The following FNBP1L variants were observed in gnomAD, a reference collection of about 807,000 sequenced individuals.
FNBP1L encodes the protein formin-binding protein 1-like.
A neutral mutation model predicts 91.2 loss-of-function variants in FNBP1L; 36 were observed. The observed-to-expected ratio is 0.39, with a 90% CI of 0.30 to 0.52. The LOEUF (loss-of-function observed/expected upper bound fraction) is 0.52, where lower values mean the gene tolerates loss of function less well. Among genes scored for constraint, FNBP1L ranks in the 20% least tolerant of loss-of-function variants. FNBP1L has a pLI of 0.66. For missense variants in FNBP1L, 571 were observed against 732.1 expected (o/e 0.78, Z 2.54); for synonymous variants, 242 against 237.0 (o/e 1.02, Z -0.19).
chr1:93,512,666 A>G (rs955217041), intron 2 of FNBP1L, among the ~76,000 whole-genome samples: 2 of 149,686 alleles, frequency 1.3e-5, no homozygotes, highest in South Asian at 2.1e-4. Context: ...CTGCTCCTGA[A>G]TGACTACTGG....
chr1:93,500,959 A>G (rs1041977235), intron 2 of FNBP1L, among the ~76,000 whole-genome samples: 1 of 152,182 alleles, frequency 6.6e-6, no homozygotes, highest in African/African-American at 2.4e-5. Flanking sequence ...CACAGTGATG[A>G]TGTTTCATCT....
At chr1:93,509,512 G>A (rs1313702816) in intron 2 of FNBP1L, among the ~76,000 whole-genome samples, 2 of 152,196 alleles carry the variant, frequency 1.3e-5, no homozygotes, top group Non-Finnish European at 2.9e-5. Context: ...ACAAAAGAAG[G>A]GTAGTGATAC....
intron 1 of FNBP1L, among the ~76,000 whole-genome samples, chr1:93,465,919 CATT>C (rs1185946178): frequency 6.6e-6 from 1 of 152,172 alleles, no homozygotes; most frequent in Non-Finnish European, 1.5e-5. Context: ...GATAGTATCT[CATT>C]GTGGTTTTGA....
chr1:93,502,982 C>G (rs1014130612), intron 2 of FNBP1L, among the ~76,000 whole-genome samples: 1 of 152,156 alleles, frequency 6.6e-6, no homozygotes, highest in East Asian at 1.9e-4. Flanking sequence ...TTTGTTTCCT[C>G]CTCTTTAATG....
At position 93,550,984 on chromosome 1, in the gene FNBP1L, A is replaced by C; in HGVS notation, c.1689A>C (p.Glu563Asp). 1 of 1,606,238 alleles carries C rather than the reference A, an allele frequency of 6.2e-7. No homozygotes were observed. Among genetic ancestry groups the C allele is most frequent in the South Asian group, 1.1e-5 (1 of 89,916 alleles). The change falls in exon 16 of 17, where the codon GAA (glutamate) becomes GAC (aspartate). Residue 563 changes from glutamate (E) to aspartate (D), a missense_variant. Glu to Asp is a conservative substitution (Grantham distance 45, BLOSUM62 2). This residue lies in a region of FNBP1L where 189 missense variants were observed against 219.7 expected (regional missense o/e 0.86). Transcript: ENST00000271234. ...GTACTCTAGCAATGAAAGAAGGTGA[A>C]GTTCTCTACATTATAGAGGAGGACA... ...NEGTLAMKEG[E>D]VLYIIEEDKG...
At chr1:93,494,888 A>G (rs993455247) in intron 1 of FNBP1L, among the ~76,000 whole-genome samples, 2 of 152,222 alleles carry the variant, frequency 1.3e-5, no homozygotes, top group African/African-American at 2.4e-5. Context: ...TGGCATTTGC[A>G]GGGGAACTCC....
chr1:93,520,114 G>A (rs1051058971), intron 2 of FNBP1L, among the ~76,000 whole-genome samples: 1 of 152,142 alleles, frequency 6.6e-6, no homozygotes, highest in African/African-American at 2.4e-5. Context: ...TTACCATGCA[G>A]TATATTACAA....
chr1:93,512,525 A>G (rs1183818273), intron 2 of FNBP1L, among the ~76,000 whole-genome samples: 1 of 152,064 alleles, frequency 6.6e-6, no homozygotes, highest in East Asian at 1.9e-4. Flanking sequence ...CTTGGAAGTA[A>G]AGCTCTCCTC....
intron 1 of FNBP1L, 77 bp downstream of exon 1, chr1:93,448,382 C>G (rs1169075656): frequency 2.1e-6 from 3 of 1,425,084 alleles, no homozygotes; most frequent in Non-Finnish European, 2.8e-6. Context: ...CGCGGACCCT[C>G]GGCGGTGAAA....
chr1:93,469,636 T>G (rs1452914419), intron 1 of FNBP1L, among the ~76,000 whole-genome samples: 1 of 152,202 alleles, frequency 6.6e-6, no homozygotes, highest in Non-Finnish European at 1.5e-5. Flanking sequence ...CATAAATTTC[T>G]GTGGTAGTAT....
chr1:93,513,434 C>T (rs1485773455), intron 2 of FNBP1L, among the ~76,000 whole-genome samples: 9 of 152,122 alleles, frequency 5.9e-5, no homozygotes, highest in African/African-American at 1.9e-4. Flanking sequence ...CCAGCATCAT[C>T]CTGATACCAA....
intron 8 of FNBP1L, among the ~76,000 whole-genome samples, chr1:93,533,379 T>A (rs1253762635): frequency 2.0e-5 from 3 of 152,110 alleles, no homozygotes; most frequent in Non-Finnish European, 2.9e-5. Flanking sequence ...ATTAGTTTAG[T>A]GAAAATTTAG....
intron 1 of FNBP1L, among the ~76,000 whole-genome samples, chr1:93,463,936 T>C (rs1431108484): frequency 6.6e-6 from 1 of 152,214 alleles, no homozygotes; most frequent in African/African-American, 2.4e-5. Context: ...TTCTTCGTGC[T>C]GTGAAGTTCT....
rs555196981 is a variant in FNBP1L at position 93,460,299 on chromosome 1, G to C, written c.24+11994G>C. On this transcript the variant is annotated intron_variant, in intron 1 of 16. Transcript: ENST00000271234. ...TTGGTGTGTGACGACATAGCACCAAGGCGCTGTCTTGGAAGCAGAGAGCAG... is the reference window on the plus strand; with the variant it reads ...TTGGTGTGTGACGACATAGCACCAACGCGCTGTCTTGGAAGCAGAGAGCAG... Among the ~76,000 whole-genome samples, 14 of 152,266 alleles carry C rather than the reference G, an allele frequency of 9.2e-5. No homozygotes were observed. The South Asian group carries it at 2.9e-3, about 32-fold the overall frequency.
intron 1 of FNBP1L, among the ~76,000 whole-genome samples, chr1:93,450,805 T>C (rs573151893): frequency 3.3e-5 from 5 of 152,154 alleles, no homozygotes; most frequent in Admixed American, 6.5e-5. Context: ...TAAACCTGAG[T>C]CTGTTTCTTG....
At chr1:93,546,634 G>A (rs1454878085) in intron 12 of FNBP1L, among the ~76,000 whole-genome samples, 1 of 151,988 alleles carries the variant, frequency 6.6e-6, no homozygotes, top group Non-Finnish European at 1.5e-5. Flanking sequence ...TTCTCTTTTG[G>A]TATTCTGATT....
chr1:93,516,214 T>G (rs1007822947), intron 2 of FNBP1L, among the ~76,000 whole-genome samples: 1 of 152,164 alleles, frequency 6.6e-6, no homozygotes, highest in African/African-American at 2.4e-5. Flanking sequence ...TTTTCTCATC[T>G]TTTCTGTTGA....
In FNBP1L at chr1:93,553,337, C is replaced by T. The variant is rs1309317097; in HGVS notation, c.*921C>T. The T allele has an allele frequency of 1.3e-5, 2 of 152,822 alleles. No homozygotes were observed. The highest frequency in any genetic ancestry group is 3.9e-4 in the East Asian group (2 of 5,182). 9.5% of individuals were successfully genotyped at this position (152,822 alleles called of 1,614,324 possible). On this transcript the variant is annotated 3_prime_UTR_variant, in exon 17 of 17. Coordinates refer to ENST00000271234, the MANE Select transcript of FNBP1L (RefSeq NM_001164473.3). Reference sequence around the variant, plus strand: ...CTGTTGATTGCCAACACTACCACTACAGTATCCCACAAAGGGCTTTATGTG... The same window carrying T: ...CTGTTGATTGCCAACACTACCACTATAGTATCCCACAAAGGGCTTTATGTG...
At chr1:93,527,540 G>A (rs985049417) in intron 5 of FNBP1L, among the ~76,000 whole-genome samples, 5 of 152,142 alleles carry the variant, frequency 3.3e-5, no homozygotes, top group Non-Finnish European at 5.9e-5. Flanking sequence ...GTTGCAAGGT[G>A]CGTATTTTCC....
Sources: allele counts gnomAD v4.1 joint callset (sites outside exome capture counted in the v4.1 genomes callset), GRCh38; gene constraint gnomAD v4.1.1; regional missense constraint gnomAD v4.1.1; transcripts MANE v1.5; gene names NCBI Gene and HGNC (gene_info 2026-07-23, HGNC 2026-07-21).